The following AFDN variants were observed in gnomAD, a reference collection of about 807,000 sequenced individuals.
AFDN encodes the protein afadin, adherens junction formation factor, also known as afadin.
AFDN carries 68 observed loss-of-function variants against 216.6 expected under a neutral mutation model. That is an observed-to-expected ratio of 0.31 (90% CI 0.26 to 0.38). The LOEUF is 0.38. AFDN is among the 10% of genes least tolerant of loss of function. AFDN has a pLI of 1.00. For synonymous variants in AFDN, 868 were observed against 853.7 expected (o/e 1.02, Z -0.29); for missense variants, 2,136 against 2,342.0 (o/e 0.91, Z 1.82).
At chr6:167,911,752 G>A in intron 15 of AFDN, 1 of 449,422 alleles carries the variant, frequency 2.2e-6, no homozygotes, top group Non-Finnish European at 4.1e-6. Flanking sequence ...TGAGACTGTT[G>A]TGGGCTTTTG....
intron 1 of AFDN, among the ~76,000 whole-genome samples, chr6:167,829,981 G>A (rs1779649995): frequency 1.3e-5 from 2 of 152,068 alleles, no homozygotes; most frequent in Admixed American, 1.3e-4. Context: ...TTTGTCACTT[G>A]GATCCTAGAT....
intron 30 of AFDN, among the ~76,000 whole-genome samples, chr6:167,957,006 G>T (rs754831095): frequency 6.6e-6 from 1 of 152,166 alleles, no homozygotes. Context: ...AGTTTGCTCG[G>T]GTCTCATCTC....
In AFDN at chr6:167,868,095, T is replaced by C. The variant is rs1002634072; in HGVS notation, c.302-2291T>C. Among the ~76,000 whole-genome samples, 8 of 152,322 alleles carry C rather than the reference T, an allele frequency of 5.3e-5. No homozygotes were observed. The East Asian group carries it at 5.8e-4, about 11-fold the overall frequency. On this transcript the variant is annotated intron_variant, in intron 2 of 33. Coordinates refer to ENST00000683244, the MANE Select transcript of AFDN (RefSeq NM_001386888.1). ...TCCTTCAAGGGCTGACCTGGTCATA[T>C]AGTCTCTGGGCATCTTTTCGTTGAA... is the stretch of plus-strand genomic sequence containing the variant.
chr6:167,906,243 T>C (rs1258055871), intron 12 of AFDN, among the ~76,000 whole-genome samples: 26 of 152,274 alleles, frequency 1.7e-4, no homozygotes, highest in Non-Finnish European at 1.5e-5. Context: ...TGAAGTATGA[T>C]GAATAGACAA....
intron 23 of AFDN, among the ~76,000 whole-genome samples, chr6:167,934,598 T>C (rs2340910): frequency 0.11 from 16,298 of 152,208 alleles, 1,023 homozygotes; most frequent in South Asian, 0.22. Context: ...CAGCCACTTA[T>C]TGTTCTAAAA....
intron 6 of AFDN, among the ~76,000 whole-genome samples, chr6:167,882,157 A>C (rs1190328582): frequency 6.6e-6 from 1 of 152,200 alleles, no homozygotes; most frequent in Non-Finnish European, 1.5e-5. Flanking sequence ...TGCATCCATG[A>C]AATAAGACTA....
At chr6:167,897,625 T>A (rs1788425371) in intron 10 of AFDN, among the ~76,000 whole-genome samples, 1 of 149,604 alleles carries the variant, frequency 6.7e-6, no homozygotes, top group Admixed American at 6.7e-5. Flanking sequence ...CAAATATTGG[T>A]TAAGATGACT....
chr6:167,886,407 T>C (rs1281866969), intron 6 of AFDN, among the ~76,000 whole-genome samples: 1 of 152,160 alleles, frequency 6.6e-6, no homozygotes, highest in Non-Finnish European at 1.5e-5. Context: ...TGTGGGGCAT[T>C]GATTGGGTAA....
chr6:167,902,920 G>T (rs1789172168), intron 12 of AFDN, among the ~76,000 whole-genome samples: 1 of 152,220 alleles, frequency 6.6e-6, no homozygotes, highest in Non-Finnish European at 1.5e-5. Context: ...ATACATAAAA[G>T]AAAGTTACCA....
intron 1 of AFDN, among the ~76,000 whole-genome samples, chr6:167,855,159 T>C (rs1158433236): frequency 6.6e-6 from 1 of 152,090 alleles, no homozygotes; most frequent in Non-Finnish European, 1.5e-5. Flanking sequence ...CAAGGTATTC[T>C]AGTTTACTTA....
chr6:167,954,482 G>T, intron 30 of AFDN: 1 of 1,599,554 alleles, frequency 6.3e-7, no homozygotes. Flanking sequence ...AGCAATCTCT[G>T]TTCTAGATTT....
At chr6:167,869,690 G>C (rs1430537419) in intron 2 of AFDN, among the ~76,000 whole-genome samples, 1 of 152,210 alleles carries the variant, frequency 6.6e-6, no homozygotes, top group African/African-American at 2.4e-5. Context: ...GCCTCTGTGA[G>C]GTGGTCAGGC....
intron 1 of AFDN, among the ~76,000 whole-genome samples, chr6:167,857,147 A>G (rs1250061088): frequency 6.6e-6 from 1 of 152,080 alleles, no homozygotes; most frequent in African/African-American, 2.4e-5. Flanking sequence ...AAGCTGTGTA[A>G]TTCCATTCGT....
intron 12 of AFDN, among the ~76,000 whole-genome samples, chr6:167,902,868 C>T (rs1196896386): frequency 3.9e-5 from 6 of 152,142 alleles, no homozygotes; most frequent in African/African-American, 1.4e-4. Flanking sequence ...CCCAGTGGCC[C>T]CAAATGTGGG....
intron 11 of AFDN, among the ~76,000 whole-genome samples, chr6:167,899,745 C>T (rs758587431): frequency 4.6e-5 from 7 of 152,150 alleles, no homozygotes; most frequent in South Asian, 2.1e-4. Context: ...CAGTTTCTTC[C>T]GCTGTGTGTT....
At chr6:167,965,250 C>A (rs929641955) in intron 31 of AFDN, 3 of 221,112 alleles carry the variant, frequency 1.4e-5, no homozygotes, top group Non-Finnish European at 2.3e-5. Flanking sequence ...GGAAGGACTG[C>A]TCTTCTGCAT....
chr6:167,886,707 GT>G (rs1786861052), intron 6 of AFDN, among the ~76,000 whole-genome samples: 2 of 152,274 alleles, frequency 1.3e-5, no homozygotes, highest in Non-Finnish European at 2.9e-5. Context: ...GCTGTACAAA[GT>G]TTTCTAAGTC....
rs1466113640 is a variant in AFDN, at chr6:167,948,353, G to A, written c.3706G>A (p.Glu1236Lys). ...YPIPTQTYTR[E>K]YFTFPASKSQ... is the part of the protein sequence containing the mutation. ...CATCCCCACTCAGACGTACACCAGA[G>A]AGTATTTTACCTTCCCAGCTTCCAA... The change falls in exon 29 of 34, where the codon GAG becomes AAG. Residue 1236 changes from glutamate (E) to lysine (K), a missense_variant. Transcript: ENST00000683244. 1 of 1,614,152 alleles carries A rather than the reference G, an allele frequency of 6.2e-7. No homozygotes were observed. The highest frequency in any genetic ancestry group is 8.5e-7 in the Non-Finnish European group (1 of 1,180,028).
At chr6:167,928,866 A>T (rs939902912) in intron 23 of AFDN, among the ~76,000 whole-genome samples, 1 of 152,198 alleles carries the variant, frequency 6.6e-6, no homozygotes, top group Non-Finnish European at 1.5e-5. Flanking sequence ...GCTCTTACAC[A>T]AGGAAGCCTC....
Sources: gnomAD v4.1 joint callset for allele counts (sites outside exome capture counted in the v4.1 genomes callset) on GRCh38, gnomAD v4.1.1 for gene constraint, MANE v1.5 for transcripts, NCBI Gene and HGNC (gene_info 2026-07-23, HGNC 2026-07-21) for gene names.